The following STAU1 variants were observed in gnomAD, a reference collection of about 807,000 sequenced individuals.
STAU1 encodes the protein staufen double-stranded RNA binding protein 1.
STAU1 carries 13 observed loss-of-function variants against 62.9 expected under a neutral mutation model. The observed-to-expected ratio is 0.21, with a 90% CI of 0.13 to 0.33. The LOEUF (loss-of-function observed/expected upper bound fraction) is 0.33, where lower values mean the gene tolerates loss of function less well. Among genes scored for constraint, STAU1 ranks in the 10% least tolerant of loss-of-function variants. STAU1 has a pLI of 1.00. For missense variants in STAU1, 571 were observed against 712.1 expected, an observed-to-expected ratio of 0.80 and a Z score of 2.25; for synonymous variants, 269 against 265.1, an observed-to-expected ratio of 1.01 and a Z score of -0.14.
upstream of STAU1, among the ~76,000 whole-genome samples, chr20:49,191,032 T>C (rs900325201): frequency 2.9e-5 from 4 of 136,402 alleles, no homozygotes; most frequent in African/African-American, 1.2e-4. Flanking sequence ...TATTTTTAAT[T>C]ATTTTTTTTT....
At chr20:49,202,449 A>G in the STAU1 span, among the ~76,000 whole-genome samples, 1 of 151,744 alleles carries the variant, frequency 6.6e-6, no homozygotes, top group Non-Finnish European at 1.5e-5. Flanking sequence ...CTGTAATCCC[A>G]GCTACTGGGG....
At chr20:49,201,305 T>G in the STAU1 span, among the ~76,000 whole-genome samples, 1 of 152,090 alleles carries the variant, frequency 6.6e-6, no homozygotes, top group Non-Finnish European at 1.5e-5. Context: ...TGTGACAAAC[T>G]AATGTCATTG....
rs1381334159 is a variant in STAU1, at chr20:49,123,163, T to C, written c.895A>G (p.Lys299Glu). 6.2e-7 allele frequency: 1 copy of C among 1,614,078 alleles called. No homozygotes were observed. Among genetic ancestry groups the C allele is most frequent in the Non-Finnish European group, 8.5e-7 (1 of 1,179,996 alleles). Residue 299 changes from lysine to glutamate, a missense_variant, in exon 8 of 14, where the codon AAG becomes GAG. Physicochemically the swap from Lys to Glu is moderately conservative, Grantham distance 56. Around this residue, in one of 3 missense-constraint regions of STAU1, gnomAD observed 414 missense variants for 499.6 expected, o/e 0.83. Coordinates refer to ENST00000371856, the MANE Select transcript of STAU1 (RefSeq NM_017453.4). ...SRLAQIQQAKKEKEPEYTLLT... is the reference protein window; with the variant it reads ...SRLAQIQQAKEEKEPEYTLLT... ...AGCGTGTACTCTGGCTCCTTCTCCT[T>C]TTTTGCCTGCTGGATCTGGGCCAGT...
At chr20:49,145,045 C>T (rs530288753) in intron 5 of STAU1, among the ~76,000 whole-genome samples, 1 of 152,286 alleles carries the variant, frequency 6.6e-6, no homozygotes, top group African/African-American at 2.4e-5. Flanking sequence ...TATAAGTATA[C>T]TTTCTCTCAG....
the STAU1 span, among the ~76,000 whole-genome samples, chr20:49,208,622 CTT>C: frequency 1.6e-4 from 23 of 140,306 alleles, no homozygotes; most frequent in Admixed American, 2.2e-4. Flanking sequence ...GAGATCCTGT[CTT>C]TTTTTTTTTT....
the STAU1 span, among the ~76,000 whole-genome samples, chr20:49,196,015 G>A: frequency 1.3e-5 from 2 of 150,694 alleles, no homozygotes; most frequent in African/African-American, 4.9e-5. Context: ...GAGGCGGGTG[G>A]ATCACTTGAG....
At chr20:49,202,867 C>G in the STAU1 span, among the ~76,000 whole-genome samples, 1 of 151,628 alleles carries the variant, frequency 6.6e-6, no homozygotes, top group African/African-American at 2.4e-5. Context: ...ATGGTGAAAC[C>G]CTGTCTCTAC....
chr20:49,114,962 G>T (rs1268934338), intron 13 of STAU1, 69 bp from the exon 14 acceptor site: 3 of 1,526,132 alleles, frequency 2.0e-6, no homozygotes, highest in Non-Finnish European at 2.7e-6. Flanking sequence ...TGTTAAAAAT[G>T]AAAAGAAATT....
rs751571347 is a variant in STAU1 at position 49,117,080 on chromosome 20, A to G, written c.1632+46T>C. 11 of 1,608,698 alleles carry G rather than the reference A, an allele frequency of 6.8e-6. No individual in the cohort carries two copies. In the East Asian group the frequency reaches 2.5e-4, roughly 36 times the overall value. On this transcript the variant is annotated intron_variant, in intron 12 of 13. Coordinates refer to ENST00000371856, the MANE Select transcript of STAU1 (RefSeq NM_017453.4). This position sits in a 1 kb window ranked among gnomAD's most constrained non-coding sequence, Gnocchi z 4.6. ...AACAAGCTGAACCAAGGCAGGCTCCACATAAACACACAACACCCCAATCCC... is the reference window on the plus strand; with the variant it reads ...AACAAGCTGAACCAAGGCAGGCTCCGCATAAACACACAACACCCCAATCCC...
At position 49,153,132 on chromosome 20, in the gene STAU1, C is replaced by T. The variant is rs370521944; in HGVS notation, c.344+801G>A. On this transcript the variant is annotated intron_variant, in intron 4 of 13. Transcript: ENST00000371856. ...GGGTGTGGTGGCAGGCGCCTGTAGT[C>T]CCAGCTACTTGGGAGGCTGAGGCAG... 9.9e-5 allele frequency among the ~76,000 whole-genome samples: 15 copies of T among 151,856 alleles called. 1 individual carries two copies. The highest frequency in any genetic ancestry group is 8.3e-4 in the South Asian group (4 of 4,808).
At chr20:49,194,461 A>G in the STAU1 span, among the ~76,000 whole-genome samples, 1 of 151,618 alleles carries the variant, frequency 6.6e-6, no homozygotes, top group South Asian at 2.1e-4. Flanking sequence ...AAGAAAAAGA[A>G]AAAAGAAAGG....
intron 3 of STAU1, among the ~76,000 whole-genome samples, chr20:49,156,475 C>A (rs1377134514): frequency 1.3e-5 from 2 of 152,218 alleles, no homozygotes; most frequent in Non-Finnish European, 2.9e-5. Flanking sequence ...TACCTCTAGA[C>A]ACACTTTTGA....
rs34699924 is a variant in STAU1, at chr20:49,170,785, GA to G, written c.-85+3409del. 9.3e-3 allele frequency among the ~76,000 whole-genome samples: 1,269 copies of G among 135,728 alleles called. 17 individuals are homozygous for G. Among genetic ancestry groups the G allele is most frequent in the African/African-American group, 0.028 (1,014 of 36,232 alleles). The allele number at this position is 135,728 out of a possible 152,430, so 89.0% of individuals were successfully genotyped here. On this transcript the variant is annotated intron_variant, in intron 2 of 13. Transcript: ENST00000371856. ...ATATTTCCAAACAAGATGTGTCTGG[GA>G]AAAAAAAAAAAAAAAAGAAGGAAAG...
rs1335734779 is a variant in STAU1 at position 49,124,509 on chromosome 20, C to T, written c.688G>A (p.Glu230Lys). Residue 230 changes from glutamate to lysine, a missense_variant, in exon 7 of 14, where the codon GAA becomes AAA. Physicochemically the swap from Glu to Lys is moderately conservative, Grantham distance 56. This residue lies in a region of STAU1 where 414 missense variants were observed against 499.6 expected (regional missense o/e 0.83). Transcript: ENST00000371856. Reference protein sequence around the residue: ...VSVGEFVGEGEGKSKKISKKN... With the variant: ...VSVGEFVGEGKGKSKKISKKN... ...TTTGAAATCTTCTTGCTTTTCCCTT[C>T]ACCTTCCCCCACAAACTCCCCAACC... The T allele has an allele frequency of 6.2e-7, 1 of 1,614,144 alleles. No individual in the cohort carries two copies. Among genetic ancestry groups the T allele is most frequent in the Admixed American group, 1.7e-5 (1 of 60,020 alleles).
At chr20:49,151,440 A>G (rs2146229267) in intron 5 of STAU1, 142 bp downstream of exon 5, 1 of 812,214 alleles carries the variant, frequency 1.2e-6, no homozygotes, top group African/African-American at 1.8e-5. Flanking sequence ...AAAGCTACAG[A>G]GCATAAAATC....
At chr20:49,204,623 T>TA in the STAU1 span, among the ~76,000 whole-genome samples, 1 of 40,462 alleles carries the variant, frequency 2.5e-5, no homozygotes, top group Non-Finnish European at 4.4e-5. Flanking sequence ...TATATATATA[T>TA]GTGTATATAT....
At chr20:49,176,580 A>C (rs1190279382) in intron 1 of STAU1, among the ~76,000 whole-genome samples, 5 of 152,348 alleles carry the variant, frequency 3.3e-5, no homozygotes, top group Non-Finnish European at 7.3e-5. Flanking sequence ...GATTGATTCC[A>C]GAAATAAATC....
At chr20:49,208,866 C>G in the STAU1 span, among the ~76,000 whole-genome samples, 41 of 151,802 alleles carry the variant, frequency 2.7e-4, no homozygotes, top group Non-Finnish European at 3.4e-4. Context: ...TCCTGATCCG[C>G]CTGCCTCGGC....
At chr20:49,118,184 C>A in intron 10 of STAU1, 88 bp from the exon 11 acceptor site, 1 of 1,437,552 alleles carries the variant, frequency 7.0e-7, no homozygotes, top group Non-Finnish European at 9.7e-7. Context: ...CTGGCCCTCC[C>A]CTTGGCACGC....
Sources: gnomAD v4.1 joint callset for allele counts (sites outside exome capture counted in the v4.1 genomes callset) on GRCh38, gnomAD v4.1.1 for gene constraint, gnomAD v4.1.1 regional missense constraint, Gnocchi (gnomAD v3.1) non-coding constraint, MANE v1.5 for transcripts, NCBI Gene and HGNC (gene_info 2026-07-23, HGNC 2026-07-21) for gene names.